R3HDM1: variants seen among roughly 807,000 people sequenced by gnomAD.
The protein encoded by R3HDM1 is R3H domain containing 1.
In R3HDM1, 46 loss-of-function variants were observed where a neutral mutation model predicts 141.1. That is an observed-to-expected ratio of 0.33 (90% confidence interval 0.26 to 0.42). The LOEUF is 0.42. Ranked by LOEUF, R3HDM1 falls within the 10% of genes least tolerant of loss-of-function variation. The probability of loss-of-function intolerance (pLI) is 1.00; values close to 1 mark genes in which losing one functional copy is unlikely to be tolerated. For synonymous variants in R3HDM1, 435 were observed against 472.9 expected (o/e 0.92, Z 1.04); for missense variants, 1,184 against 1,368.3 (o/e 0.87, Z 2.12).
At chr2:135,624,681 A>G (rs950998364) in intron 7 of R3HDM1, among the ~76,000 whole-genome samples, 1 of 152,172 alleles carries the variant, frequency 6.6e-6, no homozygotes, top group Non-Finnish European at 1.5e-5. Context: ...GAGTAATTAA[A>G]CTGGATTTTA....
At chr2:135,661,639 T>G (rs1025510570) in intron 19 of R3HDM1, among the ~76,000 whole-genome samples, 1 of 152,200 alleles carries the variant, frequency 6.6e-6, no homozygotes, top group Admixed American at 6.5e-5. Context: ...AGCAGTTTGT[T>G]AAGTGGCTGC....
chr2:135,604,468 C>G (rs943332024), intron 2 of R3HDM1, among the ~76,000 whole-genome samples: 6 of 152,060 alleles, frequency 3.9e-5, no homozygotes, highest in African/African-American at 1.4e-4. Context: ...AAAAAAAACA[C>G]ACTTATGTGT....
At chr2:135,607,846 C>G (rs879401888) in intron 3 of R3HDM1, 8 of 982,810 alleles carry the variant, frequency 8.1e-6, no homozygotes, top group African/African-American at 1.7e-5. Flanking sequence ...TGAAAAATCT[C>G]TTCTTTACCA....
At chr2:135,692,967 G>T (rs184819708) in intron 21 of R3HDM1, among the ~76,000 whole-genome samples, 1 of 152,180 alleles carries the variant, frequency 6.6e-6, no homozygotes, top group East Asian at 1.9e-4. Context: ...TGTTATTTGG[G>T]TATCATTTAC....
intron 23 of R3HDM1, 57 bp from the exon 24 acceptor site, chr2:135,715,493 T>C: frequency 6.4e-7 from 1 of 1,558,178 alleles, no homozygotes; most frequent in South Asian, 1.2e-5. Flanking sequence ...TCAGGAAGAA[T>C]AAAAAATAAG....
Position 135,645,474 on chromosome 2 carries a change from C to A in R3HDM1, c.1570C>A (p.Pro524Thr), listed in dbSNP as rs1301341082. ...VRSQVPGPPQ[P>T]PLPAPPQQPA... ...ATCCCAAGTGCCTGGACCTCCACAG[C>A]CACCTCTGCCAGCCCCACCTCAACA... The change falls in exon 16 of 27, where the codon CCA becomes ACA. Residue 524 changes from proline (P) to threonine (T), a missense_variant. Transcript: ENST00000683871. 1.9e-6 allele frequency: 3 copies of A among 1,613,950 alleles called. No individual in the cohort carries two copies. In the African/African-American group the frequency reaches 4.0e-5, roughly 22 times the overall value.
At chr2:135,580,774 TAC>T (rs565240333) in intron 1 of R3HDM1, among the ~76,000 whole-genome samples, 93 of 152,350 alleles carry the variant, frequency 6.1e-4, no homozygotes, top group African/African-American at 2.2e-3. Context: ...CTTGCTGAGC[TAC>T]TCTGAAATTC....
chr2:135,710,375 A>G, intron 23 of R3HDM1, 144 bp downstream of exon 23: 1 of 821,552 alleles, frequency 1.2e-6, no homozygotes, highest in Non-Finnish European at 1.8e-6. Context: ...CTGTAATCCC[A>G]GCACTTTTTG....
intron 18 of R3HDM1, 150 bp from the exon 19 acceptor site, chr2:135,661,120 T>C: frequency 9.8e-7 from 1 of 1,023,932 alleles, no homozygotes; most frequent in Non-Finnish European, 1.4e-6. Flanking sequence ...TTTGAATTTT[T>C]TTTAAATTTC....
At chr2:135,535,090 A>G (rs1199050766) in intron 1 of R3HDM1, among the ~76,000 whole-genome samples, 1 of 152,234 alleles carries the variant, frequency 6.6e-6, no homozygotes, top group Admixed American at 6.5e-5. Flanking sequence ...GTGTGGTAAC[A>G]AATGGTAATG....
At chr2:135,683,727 CA>C (rs1433901028) in intron 21 of R3HDM1, among the ~76,000 whole-genome samples, 1 of 152,080 alleles carries the variant, frequency 6.6e-6, no homozygotes, top group Non-Finnish European at 1.5e-5. Flanking sequence ...TTGGAACCAT[CA>C]CTTAAGAAGT....
At chr2:135,720,200 T>C (rs1483303327) in intron 24 of R3HDM1, among the ~76,000 whole-genome samples, 9 of 152,250 alleles carry the variant, frequency 5.9e-5, no homozygotes, top group Non-Finnish European at 1.5e-5. Flanking sequence ...ATCTCAGTGC[T>C]AAACCCCCAT....
At chr2:135,643,861 A>G (rs1354938483) in intron 15 of R3HDM1, among the ~76,000 whole-genome samples, 1 of 152,242 alleles carries the variant, frequency 6.6e-6, no homozygotes, top group Non-Finnish European at 1.5e-5. Flanking sequence ...TAACGCAGGA[A>G]CAGAAAACCA....
chr2:135,550,349 T>C (rs1386923359), intron 1 of R3HDM1: 1 of 566,740 alleles, frequency 1.8e-6, no homozygotes, highest in African/African-American at 2.0e-5. Flanking sequence ...TACTCTACCA[T>C]GTTTTTGTTG....
Position 135,651,746 on chromosome 2 carries a change from C to T in R3HDM1, c.1742C>T (p.Ser581Phe). Residue 581 changes from serine (S) to phenylalanine (F), a missense_variant, in exon 18 of 27, where the codon TCT (serine) becomes TTT (phenylalanine). Ser to Phe is a radical substitution (Grantham distance 155). This residue lies in a region of R3HDM1 where 563 missense variants were observed against 562.0 expected (regional missense o/e 1.00). Coordinates refer to ENST00000683871, the MANE Select transcript of R3HDM1 (RefSeq NM_001378107.1). ...QQYSVQDNLG[S>F]QFSHMSLARQ... ...CTTTTTTAGCAGGATAACCTAGGGTCTCAGTTTAGCCACATGAGTCTTGCT... is the reference window on the plus strand; with the variant it reads ...CTTTTTTAGCAGGATAACCTAGGGTTTCAGTTTAGCCACATGAGTCTTGCT... 6.2e-7 allele frequency: 1 copy of T among 1,609,848 alleles called. No homozygotes were observed. The highest frequency in any genetic ancestry group is 1.1e-5 in the South Asian group (1 of 90,630).
intron 18 of R3HDM1, among the ~76,000 whole-genome samples, chr2:135,660,090 G>A (rs73956771): frequency 0.053 from 8,006 of 152,270 alleles, 332 homozygotes; most frequent in South Asian, 0.19. Context: ...TACAATGAAT[G>A]TTGTTTAGCA....
intron 23 of R3HDM1, among the ~76,000 whole-genome samples, chr2:135,713,825 C>T (rs1430590548): frequency 6.6e-6 from 1 of 151,950 alleles, no homozygotes; most frequent in East Asian, 1.9e-4. Flanking sequence ...ATAGGGACGT[C>T]TTGAAGAATA....
intron 23 of R3HDM1, among the ~76,000 whole-genome samples, chr2:135,714,136 GA>G (rs1215917224): frequency 6.6e-6 from 1 of 151,798 alleles, no homozygotes; most frequent in Non-Finnish European, 1.5e-5. Flanking sequence ...AACTACAAAG[GA>G]AAAAAATTGT....
Position 135,648,122 on chromosome 2 carries a change from C to T in R3HDM1, c.1624-1780C>T, listed in dbSNP as rs534941380. Among the ~76,000 whole-genome samples the T allele has an allele frequency of 2.6e-5, 4 of 152,176 alleles. No homozygotes were observed. The South Asian group carries it at 6.2e-4, about 24-fold the overall frequency. On this transcript the variant is annotated intron_variant, in intron 16 of 26. Coordinates refer to ENST00000683871, the MANE Select transcript of R3HDM1 (RefSeq NM_001378107.1). ...CTTGAGAGTTCTAAAGCTATGGCAC[C>T]TCATGTAGTATAATATGTACTATCA...
Sources: allele counts gnomAD v4.1 joint callset (sites outside exome capture counted in the v4.1 genomes callset), GRCh38; gene constraint gnomAD v4.1.1; regional missense constraint gnomAD v4.1.1; transcripts MANE v1.5; gene names NCBI Gene and HGNC (gene_info 2026-07-23, HGNC 2026-07-21).